Variants in CLSTN2 observed in about 807,000 individuals in gnomAD.
CLSTN2 encodes the protein calsyntenin-2.
CLSTN2 carries 48 observed loss-of-function variants against 101.2 expected under a neutral mutation model. That is an observed-to-expected ratio of 0.47 (90% CI 0.38 to 0.60). CLSTN2 has a LOEUF of 0.60. Among genes scored for constraint, CLSTN2 ranks in the 20% least tolerant of loss-of-function variants. The pLI, the probability that CLSTN2 is intolerant of heterozygous loss-of-function variation, is 0.00. For synonymous variants in CLSTN2, 481 were observed against 463.6 expected (o/e 1.04, Z -0.48); for missense variants, 1,160 against 1,238.2 (o/e 0.94, Z 0.95).
chr3:140,561,982 C>T (rs1388384112), intron 12 of CLSTN2, among the ~76,000 whole-genome samples, 156 bp from the exon 13 acceptor site: 1 of 152,192 alleles, frequency 6.6e-6, no homozygotes, highest in Non-Finnish European at 1.5e-5. Context: ...GATGCCTGGA[C>T]ATCTGAGCGG....
intron 8 of CLSTN2, among the ~76,000 whole-genome samples, chr3:140,519,399 C>A (rs1022294156): frequency 6.6e-6 from 1 of 152,148 alleles, no homozygotes; most frequent in Non-Finnish European, 1.5e-5. Context: ...TCTCTGTGAT[C>A]TAATATTGGT....
intron 2 of CLSTN2, among the ~76,000 whole-genome samples, chr3:140,319,791 C>G (rs115162166): frequency 0.01 from 1,532 of 152,362 alleles, 36 homozygotes; most frequent in African/African-American, 0.036. Context: ...CTTTCTGTCT[C>G]TGCTCCAAAT....
At chr3:140,133,175 G>A (rs2009547999) in intron 1 of CLSTN2, among the ~76,000 whole-genome samples, 1 of 152,078 alleles carries the variant, frequency 6.6e-6, no homozygotes, top group South Asian at 2.1e-4. Flanking sequence ...CAAGAGAGAG[G>A]GAGGGGTGCC....
intron 2 of CLSTN2, among the ~76,000 whole-genome samples, chr3:140,190,763 CTA>C (rs1329669700): frequency 2.6e-5 from 4 of 151,916 alleles, no homozygotes; most frequent in Admixed American, 6.6e-5. Flanking sequence ...GTGTATGGTG[CTA>C]TGTTTTATGT....
chr3:140,182,558 C>A (rs2010425832), intron 2 of CLSTN2, among the ~76,000 whole-genome samples: 1 of 152,156 alleles, frequency 6.6e-6, no homozygotes. Flanking sequence ...CTTTGCATTC[C>A]AAGCTGGTTT....
intron 2 of CLSTN2, among the ~76,000 whole-genome samples, chr3:140,336,013 T>G (rs1268789902): frequency 6.6e-6 from 1 of 152,202 alleles, no homozygotes; most frequent in Non-Finnish European, 1.5e-5. Context: ...CTCTTTAGTC[T>G]TTTGTAGTGT....
intron 1 of CLSTN2, among the ~76,000 whole-genome samples, chr3:140,038,586 C>T (rs1178498681): frequency 6.6e-6 from 1 of 151,986 alleles, no homozygotes; most frequent in Non-Finnish European, 1.5e-5. Context: ...GTTGCAATTG[C>T]TTTTGGCGTT....
At chr3:140,230,841 C>T (rs775352279) in intron 2 of CLSTN2, among the ~76,000 whole-genome samples, 1 of 152,150 alleles carries the variant, frequency 6.6e-6, no homozygotes, top group Non-Finnish European at 1.5e-5. Context: ...GGTATCCGTG[C>T]AGGGAATCAC....
intron 5 of CLSTN2, among the ~76,000 whole-genome samples, chr3:140,434,478 C>T (rs981379213): frequency 2.6e-5 from 4 of 152,222 alleles, no homozygotes; most frequent in African/African-American, 7.2e-5. Flanking sequence ...CAGGTGAGCA[C>T]TCCATTCCAA....
chr3:140,315,941 CAG>C (rs569103468), intron 2 of CLSTN2, among the ~76,000 whole-genome samples: 12 of 152,234 alleles, frequency 7.9e-5, no homozygotes, highest in Middle Eastern at 3.4e-3. Context: ...GGCAATTGAT[CAG>C]AGAGAGGGGA....
At chr3:140,129,444 C>A (rs1333699275) in intron 1 of CLSTN2, among the ~76,000 whole-genome samples, 1 of 152,136 alleles carries the variant, frequency 6.6e-6, no homozygotes, top group Non-Finnish European at 1.5e-5. Context: ...AATGGTTAAT[C>A]AATCCTTCTT....
chr3:140,199,615 G>A (rs764041585), intron 2 of CLSTN2, among the ~76,000 whole-genome samples: 25 of 152,130 alleles, frequency 1.6e-4, no homozygotes, highest in Non-Finnish European at 2.9e-4. Context: ...AGGATGGTTG[G>A]GATATACTGC....
At chr3:139,937,376 A>C (rs1030945609) in intron 1 of CLSTN2, among the ~76,000 whole-genome samples, 6 of 152,184 alleles carry the variant, frequency 3.9e-5, no homozygotes, top group African/African-American at 1.4e-4. Flanking sequence ...GATTCACTTT[A>C]TGTGGATAAT....
chr3:140,531,799 C>T (rs1935260890), intron 8 of CLSTN2, among the ~76,000 whole-genome samples: 1 of 152,168 alleles, frequency 6.6e-6, no homozygotes, highest in South Asian at 2.1e-4. Context: ...CACTAATCCA[C>T]TAAGCTGCCT....
chr3:140,157,649 A>T (rs1576449252), intron 1 of CLSTN2, among the ~76,000 whole-genome samples: 1 of 152,188 alleles, frequency 6.6e-6, no homozygotes, highest in Admixed American at 6.5e-5. Context: ...TCTGGTTAAC[A>T]ATCTATCAGT....
chr3:140,381,475 T>G (rs1431363222), intron 2 of CLSTN2, among the ~76,000 whole-genome samples: 1 of 152,232 alleles, frequency 6.6e-6, no homozygotes, highest in Non-Finnish European at 1.5e-5. Context: ...AGCCACCTCC[T>G]ACTCTGTAAA....
intron 8 of CLSTN2, among the ~76,000 whole-genome samples, chr3:140,499,850 G>T (rs893193022): frequency 1.3e-5 from 2 of 152,130 alleles, no homozygotes; most frequent in Non-Finnish European, 2.9e-5. Flanking sequence ...GGATCACGAT[G>T]TCAGGAGATC....
At chr3:140,248,743 T>A (rs1313108797) in intron 2 of CLSTN2, among the ~76,000 whole-genome samples, 1 of 152,174 alleles carries the variant, frequency 6.6e-6, no homozygotes, top group East Asian at 1.9e-4. Flanking sequence ...GTTGAGTGCT[T>A]TCATAATATG....
chr3:140,526,293 A>C (rs750454348), intron 8 of CLSTN2, among the ~76,000 whole-genome samples: 2 of 152,128 alleles, frequency 1.3e-5, no homozygotes, highest in Non-Finnish European at 2.9e-5. Flanking sequence ...GAACCAAATC[A>C]GGAACACAAT....
Sources: gnomAD v4.1 joint callset for allele counts (sites outside exome capture counted in the v4.1 genomes callset) on GRCh38, gnomAD v4.1.1 for gene constraint, MANE v1.5 for transcripts, NCBI Gene and HGNC (gene_info 2026-07-23, HGNC 2026-07-21) for gene names.